Variants in INSR observed in about 807,000 individuals in gnomAD.
INSR encodes IR.
A neutral mutation model predicts 142.6 loss-of-function variants in INSR; 67 were observed. The ratio of observed to expected loss-of-function variants is 0.47; its 90% CI spans 0.39 to 0.58. INSR has a LOEUF of 0.58. Ranked by LOEUF, INSR falls within the 20% of genes least tolerant of loss-of-function variation. INSR has a pLI of 0.00. For synonymous variants in INSR, 756 were observed against 743.1 expected, an observed-to-expected ratio of 1.02 and a Z score of -0.28; for missense variants, 1,248 against 1,833.2, an observed-to-expected ratio of 0.68 and a Z score of 5.83.
chr19:7,284,635 T>A (rs921146627), intron 1 of INSR, among the ~76,000 whole-genome samples: 1 of 152,072 alleles, frequency 6.6e-6, no homozygotes, highest in Non-Finnish European at 1.5e-5. Context: ...TCCAAGTGAT[T>A]CTCCTGCCTC....
chr19:7,130,028 C>G (rs1375141557), intron 14 of INSR, among the ~76,000 whole-genome samples: 1 of 107,658 alleles, frequency 9.3e-6, no homozygotes, highest in Non-Finnish European at 2.1e-5. Context: ...TGTGAGCCAC[C>G]TCATCTAGCC....
At chr19:7,290,840 G>A (rs1412928407) in intron 1 of INSR, among the ~76,000 whole-genome samples, 2 of 151,576 alleles carry the variant, frequency 1.3e-5, no homozygotes, top group Non-Finnish European at 2.9e-5. Context: ...GGGAGGCCGA[G>A]GCGGGTGGAT....
chr19:7,250,453 AAAAGGAAGAAAAG>A (rs1216120109), intron 2 of INSR, among the ~76,000 whole-genome samples: 1 of 85,814 alleles, frequency 1.2e-5, no homozygotes, highest in Non-Finnish European at 3.1e-5. Context: ...AAGAAGAAAG[AAAAGGAAGAAAAG>A]AAAGAAAGAA....
intron 2 of INSR, among the ~76,000 whole-genome samples, chr19:7,240,983 T>C (rs1976321545): frequency 6.6e-6 from 1 of 152,112 alleles, no homozygotes; most frequent in South Asian, 2.1e-4. Context: ...ATACTGAACC[T>C]GTATCTGGCA....
chr19:7,178,339 G>C (rs957662315), intron 3 of INSR, among the ~76,000 whole-genome samples: 3 of 151,442 alleles, frequency 2.0e-5, no homozygotes, highest in African/African-American at 7.3e-5. Flanking sequence ...GACCTCCAGG[G>C]AGATGAGGGG....
chr19:7,132,090 C>T lies in INSR; in HGVS notation c.2842+68G>A, dbSNP rs181558591. On this transcript the variant is annotated intron_variant, in intron 14 of 21. Transcript: ENST00000302850. ...ACCTGCGGCCTCTCCAAGTCATCCCCTGCAATGTCCCACCATGCTCAGTGC... is the reference window on the plus strand; with the variant it reads ...ACCTGCGGCCTCTCCAAGTCATCCCTTGCAATGTCCCACCATGCTCAGTGC... 5.6e-5 allele frequency: 89 copies of T among 1,600,282 alleles called. No individual in the cohort carries two copies. The East Asian group carries it at 9.6e-4, about 17-fold the overall frequency.
At position 7,212,230 on chromosome 19, in the gene INSR, G is replaced by A. The variant is rs74557896; in HGVS notation, c.653-27593C>T. On this transcript the variant is annotated intron_variant, in intron 2 of 21. Transcript: ENST00000302850. ...AGCGAGACTCTTGCCAGAGCCAGAG[G>A]GAAATCATCAAAGCCGATGGGGCTG... Among the ~76,000 whole-genome samples the A allele has an allele frequency of 7.3e-3, 1,116 of 152,200 alleles. 20 individuals are homozygous for A. The highest frequency in any genetic ancestry group is 0.025 in the African/African-American group (1,051 of 41,540).
chr19:7,122,811 T>C (rs1972526065), intron 18 of INSR, 38 bp from the exon 19 acceptor site: 2 of 1,613,950 alleles, frequency 1.2e-6, no homozygotes, highest in Non-Finnish European at 1.7e-6. Flanking sequence ...TCAGCAGCAC[T>C]GGGATCCGAG....
chr19:7,277,568 C>T (rs989643438), intron 1 of INSR, among the ~76,000 whole-genome samples: 12 of 152,140 alleles, frequency 7.9e-5, no homozygotes, highest in Admixed American at 2.6e-4. Flanking sequence ...GAGGCATAGG[C>T]GGGTGGACTG....
At chr19:7,278,847 A>G (rs1231381234) in intron 1 of INSR, among the ~76,000 whole-genome samples, 1 of 151,534 alleles carries the variant, frequency 6.6e-6, no homozygotes, top group African/African-American at 2.4e-5. Context: ...TACAAAAATG[A>G]GTCCGGTATG....
chr19:7,152,995 A>ACCC, intron 9 of INSR, 68 bp from the exon 10 acceptor site: 5 of 766,358 alleles, frequency 6.5e-6, no homozygotes, highest in Non-Finnish European at 1.0e-5. Context: ...ACACACACAC[A>ACCC]CCCCACACAC....
intron 2 of INSR, among the ~76,000 whole-genome samples, chr19:7,233,218 T>A (rs1976044499): frequency 6.6e-6 from 1 of 152,116 alleles, no homozygotes; most frequent in Admixed American, 6.6e-5. Context: ...GGTCTTGGAC[T>A]CCTGACCTCA....
At chr19:7,122,804 G>C in intron 18 of INSR, 31 bp from the exon 19 acceptor site, 1 of 1,614,112 alleles carries the variant, frequency 6.2e-7, no homozygotes, top group Non-Finnish European at 8.5e-7. Context: ...TGGTGTTTCA[G>C]CAGCACTGGG....
chr19:7,149,742 A>ACC (rs1344154249), intron 11 of INSR, among the ~76,000 whole-genome samples: 9 of 151,868 alleles, frequency 5.9e-5, no homozygotes, highest in Non-Finnish European at 4.4e-5. Context: ...GAATTGCTTG[A>ACC]ACCCGGGAGG....
intron 9 of INSR, 151 bp downstream of exon 9, chr19:7,162,881 G>C: frequency 1.5e-6 from 1 of 687,756 alleles, no homozygotes; most frequent in South Asian, 1.6e-5. Context: ...ATGTATGTGT[G>C]TTTTCATATG....
intron 11 of INSR, 103 bp from the exon 12 acceptor site, chr19:7,143,193 C>T (rs965867764): frequency 2.0e-5 from 26 of 1,320,170 alleles, no homozygotes; most frequent in African/African-American, 1.4e-4. Flanking sequence ...AAGATCAGAG[C>T]GCAGGAGGGT....
intron 2 of INSR, among the ~76,000 whole-genome samples, chr19:7,237,432 G>A (rs1043142907): frequency 1.3e-5 from 2 of 151,950 alleles, no homozygotes; most frequent in East Asian, 1.9e-4. Context: ...CAGAAGAATC[G>A]CTTGAACCGG....
At chr19:7,277,028 G>A (rs1386003073) in intron 1 of INSR, among the ~76,000 whole-genome samples, 1 of 152,126 alleles carries the variant, frequency 6.6e-6, no homozygotes, top group Non-Finnish European at 1.5e-5. Flanking sequence ...ACCGTGCCTG[G>A]CCTCAGTTTC....
Position 7,117,316 on chromosome 19 carries a change from T to A in INSR, c.3889A>T (p.Ser1297Cys), listed in dbSNP as rs113527718. ...VNLLKDDLHP[S>C]FPEVSFFHSE... is the part of the protein sequence containing the mutation. ...TGGAAGAACGACACCTCTGGAAAGCTGGGGTGCAGGTCGTCCTTGAGCAGG... is the reference window on the plus strand; with the variant it reads ...TGGAAGAACGACACCTCTGGAAAGCAGGGGTGCAGGTCGTCCTTGAGCAGG... Residue 1297 changes from serine (S) to cysteine (C), a missense_variant, in exon 22 of 22, where the codon AGC (serine) becomes TGC (cysteine). By Grantham distance (112) the Ser-to-Cys change is moderately radical. Coordinates refer to ENST00000302850, the MANE Select transcript of INSR (RefSeq NM_000208.4). 6.2e-7 allele frequency: 1 copy of A among 1,614,020 alleles called. No individual in the cohort carries two copies. The highest frequency in any genetic ancestry group is 2.2e-5 in the East Asian group (1 of 44,874).
Sources: allele counts gnomAD v4.1 joint callset (sites outside exome capture counted in the v4.1 genomes callset), GRCh38; gene constraint gnomAD v4.1.1; transcripts MANE v1.5; gene names NCBI Gene and HGNC (gene_info 2026-07-23, HGNC 2026-07-21).